The following SAMSN1 variants were observed in gnomAD, a reference collection of about 807,000 sequenced individuals.
SAMSN1 encodes SAM domain, SH3 domain and nuclear localization signals 1.
SAMSN1 carries 31 observed loss-of-function variants against 42.0 expected under a neutral mutation model. The ratio of observed to expected loss-of-function variants is 0.74; its 90% CI spans 0.55 to 1.00. The LOEUF is 1.00. SAMSN1 is among the 50% of genes least tolerant of loss of function. The probability of loss-of-function intolerance (pLI) is 0.00; values close to 1 mark genes in which losing one functional copy is unlikely to be tolerated. For missense variants in SAMSN1, 464 were observed against 439.4 expected (o/e 1.06, Z -0.50); for synonymous variants, 178 against 151.9 (o/e 1.17, Z -1.26).
chr21:14,645,891 T>C (rs961043130), intron 1 of SAMSN1, among the ~76,000 whole-genome samples: 1 of 152,160 alleles, frequency 6.6e-6, no homozygotes, highest in Admixed American at 6.5e-5. Flanking sequence ...ATCAGAGTCC[T>C]TTAATAGCAG....
At chr21:14,640,012 C>T (rs1043543684) in intron 2 of SAMSN1, among the ~76,000 whole-genome samples, 2 of 152,036 alleles carry the variant, frequency 1.3e-5, no homozygotes, top group East Asian at 1.9e-4. Flanking sequence ...TTTAAAACCC[C>T]CAAATAAACC....
At chr21:14,535,566 T>C (rs1184816175) in intron 1 of SAMSN1, among the ~76,000 whole-genome samples, 1 of 152,180 alleles carries the variant, frequency 6.6e-6, no homozygotes, top group Non-Finnish European at 1.5e-5. Context: ...CCCTAACACC[T>C]TGTACCTCAG....
intron 1 of SAMSN1, 148 bp downstream of exon 1, chr21:14,546,057 A>C: frequency 1.5e-6 from 1 of 664,546 alleles, no homozygotes; most frequent in African/African-American, 1.8e-5. Context: ...TTTGCAATTT[A>C]ATTTTTCCGT....
chr21:14,580,101 A>G (rs898399616), intron 2 of SAMSN1, among the ~76,000 whole-genome samples: 7 of 152,224 alleles, frequency 4.6e-5, no homozygotes, highest in Non-Finnish European at 1.0e-4. Context: ...AGCTTTCTAG[A>G]TGATGAAGTA....
rs1005029572 is a variant in SAMSN1, at chr21:14,621,043, G to A, written c.157-5027C>T. 4.6e-5 allele frequency among the ~76,000 whole-genome samples: 7 copies of A among 152,260 alleles called. No individual in the cohort carries two copies. In the East Asian group the frequency reaches 1.3e-3, roughly 29 times the overall value. On this transcript the variant is annotated intron_variant, in intron 2 of 15. Transcript: ENST00000647101. The stretch of plus-strand genomic sequence containing the variant: ...ACGCAAACTGAATAAGTATGTTTCT[G>A]GATATTTCTTGGCTTCCTATGTTTC...
rs6516894 is a variant in SAMSN1 at position 14,582,468 on chromosome 21, T to C, written c.-72A>G. On this transcript the variant is annotated 5_prime_UTR_variant, in exon 2 of 9. Transcript: ENST00000285670. ...GACTTGGTTAATTTCAAACAAGAAA[T>C]CAACGTGTCATCTTCATCTTCTGAA... 4.1e-4 allele frequency: 530 copies of C among 1,280,844 alleles called. 1 individual carries two copies. The African/African-American group carries it at 7.1e-3, about 17-fold the overall frequency. The allele number at this position is 1,280,844 out of a possible 1,614,324, so 79.3% of individuals were successfully genotyped here. A position where few individuals can be genotyped will look rare whatever the true frequency, so the allele number is the denominator to read the frequency against.
chr21:14,642,933 T>G lies in SAMSN1; in HGVS notation c.156+69A>C. 5 of 682,134 alleles carry G rather than the reference T, an allele frequency of 7.3e-6. No individual in the cohort carries two copies. The East Asian group carries it at 1.4e-4, about 18-fold the overall frequency. 42.3% of individuals were successfully genotyped at this position (682,134 alleles called of 1,614,324 possible). A position where few individuals can be genotyped will look rare whatever the true frequency, so the allele number is the denominator to read the frequency against. On this transcript the variant is annotated intron_variant, in intron 2 of 15. Coordinates refer to the SAMSN1 transcript ENST00000647101. The stretch of plus-strand genomic sequence containing the variant: ...TGAATTTTTGCTGTATTAATAAGTA[T>G]CATTAGGCAAGAGATTCTAGAACTA...
intron 2 of SAMSN1, among the ~76,000 whole-genome samples, chr21:14,620,856 A>T (rs933006363): frequency 1.3e-5 from 2 of 152,240 alleles, no homozygotes; most frequent in Non-Finnish European, 2.9e-5. Flanking sequence ...GGGTACAAAC[A>T]CATATGTAAA....
chr21:14,579,664 T>TTA, intron 2 of SAMSN1, among the ~76,000 whole-genome samples: 1 of 109,858 alleles, frequency 9.1e-6, no homozygotes, highest in South Asian at 3.1e-4. Flanking sequence ...TTTTTTTTTT[T>TTA]GGAGGCAGGG....
chr21:14,504,752 C>CT (rs762960044), intron 5 of SAMSN1, among the ~76,000 whole-genome samples: 1 of 152,126 alleles, frequency 6.6e-6, no homozygotes, highest in Non-Finnish European at 1.5e-5. Flanking sequence ...AAACACGAAC[C>CT]TAGGAAATTC....
chr21:14,581,340 A>ATTT (rs1404934178), intron 2 of SAMSN1, among the ~76,000 whole-genome samples: 1 of 22,532 alleles, frequency 4.4e-5, no homozygotes, highest in African/African-American at 1.2e-4. Context: ...GGGAAATAAT[A>ATTT]TTTCTTTTTT....
chr21:14,557,275 T>A (rs1426458991), intron 2 of SAMSN1, among the ~76,000 whole-genome samples: 1 of 152,180 alleles, frequency 6.6e-6, no homozygotes, highest in Non-Finnish European at 1.5e-5. Flanking sequence ...ATTTCCTCAT[T>A]AATTAAAAGG....
At chr21:14,541,987 GAAAAA>G (rs3993033) in intron 1 of SAMSN1, among the ~76,000 whole-genome samples, 1 of 141,488 alleles carries the variant, frequency 7.1e-6, no homozygotes, top group Non-Finnish European at 1.5e-5. Flanking sequence ...ATGAGACCCT[GAAAAA>G]AAAAAAAGGA....
At chr21:14,518,930 G>T (rs1988035735) in intron 2 of SAMSN1, among the ~76,000 whole-genome samples, 1 of 152,060 alleles carries the variant, frequency 6.6e-6, no homozygotes, top group South Asian at 2.1e-4. Flanking sequence ...AATAAGAAAT[G>T]TTAATTACTA....
At chr21:14,554,667 A>G (rs1980701746) in intron 2 of SAMSN1, among the ~76,000 whole-genome samples, 1 of 151,412 alleles carries the variant, frequency 6.6e-6, no homozygotes, top group African/African-American at 2.4e-5. Context: ...TCAGGTGATC[A>G]ACTAGCAGTT....
chr21:14,627,088 G>A (rs1418235500), intron 2 of SAMSN1, among the ~76,000 whole-genome samples: 1 of 152,068 alleles, frequency 6.6e-6, no homozygotes. Flanking sequence ...GAGAACACAT[G>A]GACACAGGGT....
At chr21:14,531,588 T>C (rs1330714283) in intron 1 of SAMSN1, among the ~76,000 whole-genome samples, 1 of 152,176 alleles carries the variant, frequency 6.6e-6, no homozygotes, top group African/African-American at 2.4e-5. Context: ...ACATACGTGA[T>C]AATTGAGTAT....
At chr21:14,503,925 T>G (rs2123699600) in intron 5 of SAMSN1, among the ~76,000 whole-genome samples, 1 of 152,240 alleles carries the variant, frequency 6.6e-6, no homozygotes, top group Admixed American at 6.5e-5. Flanking sequence ...GTTAACATCA[T>G]AAGACTCTGT....
chr21:14,602,211 G>A (rs1214517785), intron 5 of SAMSN1: 1 of 363,292 alleles, frequency 2.8e-6, no homozygotes, highest in Non-Finnish European at 5.0e-6. Flanking sequence ...CATTACATTG[G>A]CTACGTCAAA....
Sources: allele counts gnomAD v4.1 joint callset (sites outside exome capture counted in the v4.1 genomes callset), GRCh38; gene constraint gnomAD v4.1.1; transcripts MANE v1.5; gene names NCBI Gene and HGNC (gene_info 2026-07-23, HGNC 2026-07-21).